Variants in PRPS1 observed in about 807,000 individuals in gnomAD.
The protein encoded by PRPS1 is ribose-phosphate pyrophosphokinase 1.
A neutral mutation model predicts 16.9 loss-of-function variants in PRPS1; 1 was observed. That is an observed-to-expected ratio of 0.06 (90% CI 0.02 to 0.28). The LOEUF (loss-of-function observed/expected upper bound fraction) is 0.28. Ranked by LOEUF, PRPS1 falls within the 10% of genes least tolerant of loss-of-function variation. The pLI, the probability that PRPS1 is intolerant of heterozygous loss-of-function variation, is 1.00. For missense variants in PRPS1, 47 were observed against 254.0 expected (o/e 0.19, Z 5.54); for synonymous variants, 70 against 90.2 (o/e 0.78, Z 1.27).
chrX:107,648,459 C>A (rs776120202), intron 6 of PRPS1, among the ~76,000 whole-genome samples: 1 of 98,096 alleles, frequency 1.0e-5, no homozygotes, highest in East Asian at 3.2e-4. Flanking sequence ...GGATCTTGCT[C>A]TGTTGCCCCA....
intron 5 of PRPS1, among the ~76,000 whole-genome samples, chrX:107,645,835 A>G (rs1338422695): frequency 9.0e-6 from 1 of 110,745 alleles, no homozygotes; most frequent in Non-Finnish European, 1.9e-5. Context: ...ACTTTTGTTC[A>G]TTATTACTTC....
rs948531147 is a variant in PRPS1, at chrX:107,628,541, G to A, written c.-88G>A. ...AGATGGCGGAGTAGCAACGCAAAGC[G>A]CTTGGTATTGAGTCTGTGGCCGACT... On this transcript the variant is annotated 5_prime_UTR_variant, in exon 1 of 7. Coordinates refer to ENST00000372435, the MANE Select transcript of PRPS1 (RefSeq NM_002764.4). The A allele has an allele frequency of 8.3e-7, 1 of 1,199,634 alleles. No individual in the cohort carries two copies. Among genetic ancestry groups the A allele is most frequent in the Non-Finnish European group, 1.1e-6 (1 of 886,332 alleles).
Position 107,639,423 on chromosome X carries a change from G to A in PRPS1, c.251G>A (p.Arg84Gln). 1 of 1,211,714 alleles carries A rather than the reference G, an allele frequency of 8.3e-7. No individual in the cohort carries two copies. The highest frequency in any genetic ancestry group is 1.8e-5 in the South Asian group (1 of 57,009). Residue 84 changes from arginine (R) to glutamine (Q), a missense_variant, in exon 2 of 7, where the codon CGG (arginine) becomes CAG (glutamine). By Grantham distance (43) the Arg-to-Gln change is conservative. This residue lies in a region of PRPS1 where 19 missense variants were observed against 155.6 expected (regional missense o/e 0.12). Coordinates refer to ENST00000372435, the MANE Select transcript of PRPS1 (RefSeq NM_002764.4). ...INACKIASAS[R>Q]VTAVIPCFPY... The stretch of plus-strand genomic sequence containing the variant: ...GCCTGCAAGATTGCTTCAGCCAGCC[G>A]GGTTACTGCAGTCATCCCATGCTTC...
At chrX:107,643,142 A>G (rs1030116950) in intron 4 of PRPS1, among the ~76,000 whole-genome samples, 3 of 112,441 alleles carry the variant, frequency 2.7e-5, no homozygotes, top group Admixed American at 1.9e-4. Flanking sequence ...AACACAGATG[A>G]TTAGGAAGAG....
intron 2 of PRPS1, among the ~76,000 whole-genome samples, chrX:107,640,411 A>G (rs1221483432): frequency 2.7e-5 from 3 of 109,395 alleles, no homozygotes; most frequent in African/African-American, 9.9e-5. Flanking sequence ...AGTATGTTTT[A>G]TTTGAGGAGT....
chrX:107,639,967 G>GT (rs1925535177), intron 2 of PRPS1, among the ~76,000 whole-genome samples: 1 of 112,780 alleles, frequency 8.9e-6, no homozygotes, highest in African/African-American at 3.2e-5. Context: ...AACTTTGCAA[G>GT]TCTATTGTAA....
Position 107,650,127 on chromosome X carries a change from C to A in PRPS1, c.*95C>A. On this transcript the variant is annotated 3_prime_UTR_variant, in exon 7 of 7. Transcript: ENST00000372435. The stretch of plus-strand genomic sequence containing the variant: ...CAAATTCAGCAGAAGACCCGGCTTG[C>A]TCCAGTGTAGCTTTCTACATCCCAC... 2 of 1,192,983 alleles carry A rather than the reference C, an allele frequency of 1.7e-6. No homozygotes were observed. The highest frequency in any genetic ancestry group is 2.3e-6 in the Non-Finnish European group (2 of 884,732).
intron 2 of PRPS1, 47 bp downstream of exon 2, chrX:107,639,525 G>A: frequency 8.6e-7 from 1 of 1,158,368 alleles, no homozygotes; most frequent in South Asian, 1.8e-5. Context: ...AGGAGCACTT[G>A]CCCCAAATCA....
chrX:107,635,085 C>T (rs1925403964), intron 1 of PRPS1, among the ~76,000 whole-genome samples: 1 of 111,984 alleles, frequency 8.9e-6, no homozygotes, highest in South Asian at 3.7e-4. Context: ...TCGTGATCCG[C>T]CCGCCTCGGC....
At chrX:107,641,680 A>G (rs1396750602) in intron 3 of PRPS1, among the ~76,000 whole-genome samples, 1 of 112,190 alleles carries the variant, frequency 8.9e-6, no homozygotes, top group Non-Finnish European at 1.9e-5. Context: ...ATTTAGAGCC[A>G]CAGATATTGG....
intron 4 of PRPS1, among the ~76,000 whole-genome samples, chrX:107,644,409 G>C (rs1925642434): frequency 8.9e-6 from 1 of 111,805 alleles, no homozygotes; most frequent in Non-Finnish European, 1.9e-5. Flanking sequence ...GCTGGATGCT[G>C]CTCCTCTCCT....
intron 2 of PRPS1, among the ~76,000 whole-genome samples, chrX:107,640,455 T>G (rs1186157594): frequency 9.0e-6 from 1 of 111,489 alleles, no homozygotes; most frequent in Non-Finnish European, 1.9e-5. Context: ...TCCAGATGAG[T>G]AAGTAGTGAT....
intron 1 of PRPS1, 52 bp from the exon 2 acceptor site, chrX:107,639,243 G>T: frequency 8.5e-7 from 1 of 1,170,640 alleles, no homozygotes; most frequent in South Asian, 1.8e-5. Flanking sequence ...ATGGAGGGCT[G>T]ACAGTACAGT....
intron 4 of PRPS1, among the ~76,000 whole-genome samples, chrX:107,643,441 A>T (rs2147683712): frequency 8.9e-6 from 1 of 111,854 alleles, no homozygotes; most frequent in Non-Finnish European, 1.9e-5. Flanking sequence ...AATAGGCAGG[A>T]TTTTCTTTCC....
At chrX:107,642,659 C>T (rs1602903059) in intron 4 of PRPS1, 169 bp downstream of exon 4, 2 of 555,881 alleles carry the variant, frequency 3.6e-6, no homozygotes, top group East Asian at 3.9e-5. Flanking sequence ...CTTTTACTGT[C>T]CTCAGTTACT....
At chrX:107,638,220 C>T (rs1167216688) in intron 1 of PRPS1, among the ~76,000 whole-genome samples, 1 of 111,158 alleles carries the variant, frequency 9.0e-6, no homozygotes, top group African/African-American at 3.3e-5. Context: ...AGTGATTCTC[C>T]TGCCTCAACC....
chrX:107,644,295 A>G (rs1216393749), intron 4 of PRPS1, among the ~76,000 whole-genome samples: 4 of 111,758 alleles, frequency 3.6e-5, no homozygotes, highest in African/African-American at 1.3e-4. Context: ...CAATTGTGAA[A>G]AAAACTCCCA....
chrX:107,644,320 G>T (rs953511069), intron 4 of PRPS1, among the ~76,000 whole-genome samples: 1 of 111,629 alleles, frequency 9.0e-6, no homozygotes, highest in African/African-American at 3.3e-5. Context: ...TGGTGTCCAG[G>T]TACAGTTGAC....
intron 2 of PRPS1, 87 bp downstream of exon 2, chrX:107,639,565 A>G: frequency 2.1e-6 from 2 of 940,502 alleles, no homozygotes; most frequent in East Asian, 3.2e-5. Context: ...TCAAATATAT[A>G]TTTAGGGGGA....
Sources: allele counts gnomAD v4.1 joint callset (sites outside exome capture counted in the v4.1 genomes callset), GRCh38; gene constraint gnomAD v4.1.1; regional missense constraint gnomAD v4.1.1; transcripts MANE v1.5; gene names NCBI Gene and HGNC (gene_info 2026-07-23, HGNC 2026-07-21).